Variants in NLGN1 observed in about 807,000 individuals in gnomAD.
NLGN1 encodes the protein neuroligin-1.
A neutral mutation model predicts 65.5 loss-of-function variants in NLGN1; 12 were observed. That is an observed-to-expected ratio of 0.18 (90% CI 0.12 to 0.30). The LOEUF (loss-of-function observed/expected upper bound fraction) is 0.30. Among genes scored for constraint, NLGN1 ranks in the 10% least tolerant of loss-of-function variants. NLGN1 has a pLI of 1.00. For synonymous variants in NLGN1, 350 were observed against 359.5 expected (o/e 0.97, Z 0.30); for missense variants, 750 against 1,007.1 (o/e 0.74, Z 3.46).
chr3:173,916,611 C>A (rs1228300886), intron 4 of NLGN1, among the ~76,000 whole-genome samples: 1 of 152,066 alleles, frequency 6.6e-6, no homozygotes, highest in East Asian at 1.9e-4. Context: ...TCTTCTAATG[C>A]TATTTTTATT....
rs550870098 is a variant in NLGN1 at position 173,443,066 on chromosome 3, A to C, written c.-321+7988A>C. On this transcript the variant is annotated intron_variant, in intron 2 of 6. Transcript: ENST00000457714. Reference sequence around the variant, plus strand: ...CAAATGGCTGTATATTTTAAAGTGGAAACACAAGATTTAAAATTAAATGCC... The same window carrying C: ...CAAATGGCTGTATATTTTAAAGTGGCAACACAAGATTTAAAATTAAATGCC... 6.4e-4 allele frequency among the ~76,000 whole-genome samples: 97 copies of C among 152,020 alleles called. 2 individuals are homozygous for C. The South Asian group carries it at 0.017, about 26-fold the overall frequency.
intron 4 of NLGN1, among the ~76,000 whole-genome samples, chr3:173,821,784 G>A (rs1261725484): frequency 1.3e-5 from 2 of 151,984 alleles, no homozygotes; most frequent in African/African-American, 2.4e-5. Context: ...TAGTCCCTTA[G>A]CGATATTTTA....
intron 4 of NLGN1, among the ~76,000 whole-genome samples, chr3:174,116,600 A>C (rs946380568): frequency 2.0e-5 from 3 of 151,870 alleles, no homozygotes; most frequent in African/African-American, 7.2e-5. Context: ...GGCCTTCCGA[A>C]GTGCTGGGAA....
chr3:174,279,258 T>A lies in NLGN1; in HGVS notation c.1257T>A (p.Val419=). Residue 419 remains valine, a synonymous_variant, in exon 6 of 7, where the codon GTT becomes GTA. Transcript: ENST00000457714. The surrounding 1 kb of genome is among the most constrained non-coding windows in gnomAD (Gnocchi z 4.7). The stretch of plus-strand genomic sequence containing the variant: ...TTGACTTTGCTGTTTCAAATTTTGT[T>A]GATAATTTATATGGATATCCTGAAG... 6.2e-7 allele frequency: 1 copy of A among 1,613,382 alleles called. No homozygotes were observed. Among genetic ancestry groups the A allele is most frequent in the Non-Finnish European group, 8.5e-7 (1 of 1,179,574 alleles).
At chr3:173,604,367 C>A in exon 3 of NLGN1, 2 of 531,410 alleles carry the variant, frequency 3.8e-6, no homozygotes, top group Non-Finnish European at 6.6e-6. Flanking sequence ...ATATGGAAAA[C>A]AGAATGTTCA....
chr3:173,581,628 A>G (rs1029433750), intron 2 of NLGN1, among the ~76,000 whole-genome samples: 2 of 152,096 alleles, frequency 1.3e-5, no homozygotes, highest in Middle Eastern at 3.4e-3. Flanking sequence ...TCTAATATCA[A>G]TTATAGAAGT....
At chr3:174,102,987 A>G (rs1423422423) in intron 4 of NLGN1, among the ~76,000 whole-genome samples, 1 of 152,204 alleles carries the variant, frequency 6.6e-6, no homozygotes, top group African/African-American at 2.4e-5. Flanking sequence ...GCACACTGAC[A>G]GACAATTAAA....
chr3:174,237,621 A>G (rs910030011), intron 4 of NLGN1, among the ~76,000 whole-genome samples: 2 of 152,110 alleles, frequency 1.3e-5, no homozygotes, highest in African/African-American at 4.8e-5. Context: ...CAGTGGCATG[A>G]TCTCTGCTCA....
intron 3 of NLGN1, among the ~76,000 whole-genome samples, chr3:173,765,427 A>G (rs1778632334): frequency 6.6e-6 from 1 of 152,170 alleles, no homozygotes; most frequent in Admixed American, 6.5e-5. Flanking sequence ...GATATGCAAA[A>G]TAAAAAACCA....
chr3:173,691,994 G>A (rs1182817387), intron 3 of NLGN1, among the ~76,000 whole-genome samples: 2 of 152,002 alleles, frequency 1.3e-5, no homozygotes, highest in African/African-American at 2.4e-5. Context: ...TAATTTTATT[G>A]CACTAAGGTA....
chr3:173,807,366 T>C (rs1252982854), intron 3 of NLGN1, among the ~76,000 whole-genome samples: 1 of 152,166 alleles, frequency 6.6e-6, no homozygotes, highest in Non-Finnish European at 1.5e-5. Flanking sequence ...TGCCATTCTG[T>C]TTCTTTTGCG....
chr3:173,397,278 C>G (rs1316944075), upstream of NLGN1, among the ~76,000 whole-genome samples: 2 of 152,076 alleles, frequency 1.3e-5, no homozygotes, highest in Non-Finnish European at 2.9e-5. Context: ...TTGAGCGAGA[C>G]GAAGCCGTGT....
At chr3:174,004,988 A>G (rs1285014069) in intron 4 of NLGN1, among the ~76,000 whole-genome samples, 1 of 152,162 alleles carries the variant, frequency 6.6e-6, no homozygotes, top group Non-Finnish European at 1.5e-5. Context: ...TATTTGATAT[A>G]TTTAAGATAA....
intron 4 of NLGN1, among the ~76,000 whole-genome samples, chr3:174,233,059 G>A (rs1326842127): frequency 3.3e-5 from 5 of 152,198 alleles, no homozygotes; most frequent in African/African-American, 1.2e-4. Flanking sequence ...AGTAAAGGAT[G>A]TTTTATTGAG....
At chr3:173,769,214 A>G in intron 3 of NLGN1, among the ~76,000 whole-genome samples, 1 of 152,138 alleles carries the variant, frequency 6.6e-6, no homozygotes, top group East Asian at 1.9e-4. Flanking sequence ...CTGTCAGAAT[A>G]TCATATTTAC....
intron 2 of NLGN1, among the ~76,000 whole-genome samples, chr3:173,530,935 C>A (rs1736463237): frequency 6.6e-6 from 1 of 151,942 alleles, no homozygotes; most frequent in Admixed American, 6.6e-5. Flanking sequence ...TTTTCTTGGG[C>A]TTTGCTTTAA....
At chr3:174,118,904 A>G (rs1009418800) in intron 4 of NLGN1, among the ~76,000 whole-genome samples, 3 of 152,144 alleles carry the variant, frequency 2.0e-5, no homozygotes, top group Admixed American at 1.3e-4. Context: ...ACTGCCTGAC[A>G]TTCTTCATGT....
rs184681540 is a variant in NLGN1, at chr3:174,037,991, T to C, written c.646+230159T>C. Among the ~76,000 whole-genome samples the C allele has an allele frequency of 3.7e-3, 568 of 152,250 alleles. 13 individuals carry two copies. Among genetic ancestry groups the C allele is most frequent in the Admixed American group, 0.035 (534 of 15,274 alleles). ...CTGATATTAATGCCTCCAGTAATGA[T>C]AAAAATATATTGAATGAATTTTATG... On this transcript the variant is annotated intron_variant, in intron 4 of 6. Coordinates refer to ENST00000457714, the Ensembl canonical transcript of NLGN1.
intron 4 of NLGN1, among the ~76,000 whole-genome samples, chr3:174,093,218 G>T (rs907055697): frequency 2.0e-5 from 3 of 152,196 alleles, no homozygotes; most frequent in Non-Finnish European, 2.9e-5. Flanking sequence ...ACGCAATTTT[G>T]CAGGAGAGAA....
Sources: allele counts gnomAD v4.1 joint callset (sites outside exome capture counted in the v4.1 genomes callset), GRCh38; gene constraint gnomAD v4.1.1; non-coding constraint Gnocchi (gnomAD v3.1); transcripts MANE v1.5; gene names NCBI Gene and HGNC (gene_info 2026-07-23, HGNC 2026-07-21).